Variants in SPAG16 observed in about 807,000 individuals in gnomAD.
SPAG16 encodes sperm associated antigen 16.
Under a neutral mutation model 80.4 loss-of-function variants are expected in SPAG16, and 86 were observed. The observed-to-expected ratio is 1.07, with a 90% CI of 0.90 to 1.28. The LOEUF (loss-of-function observed/expected upper bound fraction) is 1.28. SPAG16 is among the 50% of genes most tolerant of loss of function. The pLI is 0.00. For synonymous variants in SPAG16, 294 were observed against 265.9 expected, an observed-to-expected ratio of 1.11 and a Z score of -1.03; for missense variants, 870 against 765.3, an observed-to-expected ratio of 1.14 and a Z score of -1.61.
intron 10 of SPAG16, among the ~76,000 whole-genome samples, chr2:213,515,255 C>A (rs2075378218): frequency 6.6e-6 from 1 of 152,118 alleles, no homozygotes; most frequent in Non-Finnish European, 1.5e-5. Context: ...CTACTGATAT[C>A]TTCAAACTGC....
intron 12 of SPAG16, among the ~76,000 whole-genome samples, chr2:213,981,227 A>C (rs577032535): frequency 6.6e-6 from 1 of 152,258 alleles, no homozygotes; most frequent in African/African-American, 2.4e-5. Flanking sequence ...CTTCACCCTT[A>C]AGAACTCATT....
At chr2:214,143,049 C>T (rs921041020) in intron 14 of SPAG16, among the ~76,000 whole-genome samples, 3 of 152,204 alleles carry the variant, frequency 2.0e-5, no homozygotes, top group Non-Finnish European at 2.9e-5. Flanking sequence ...TTTTAAAAAT[C>T]GTTTTTTAGC....
chr2:213,709,316 TATA>T (rs2125353866), intron 10 of SPAG16, among the ~76,000 whole-genome samples: 1 of 152,298 alleles, frequency 6.6e-6, no homozygotes, highest in South Asian at 2.1e-4. Context: ...GAGTCCTTTC[TATA>T]ATGTTTACAT....
At position 214,361,289 on chromosome 2, in the gene SPAG16, T is replaced by C. The variant is rs562719628; in HGVS notation, c.1721-48851T>C. Among the ~76,000 whole-genome samples the C allele has an allele frequency of 1.2e-4, 19 of 152,004 alleles. No homozygotes were observed. The East Asian group carries it at 2.5e-3, about 20-fold the overall frequency. On this transcript the variant is annotated intron_variant, in intron 15 of 15. Transcript: ENST00000331683. ...ATTGATCAGTAAAAGCACTGATGTG[T>C]GCTTTCTTGATTTGCTTCAATCTTC...
At chr2:214,281,676 A>G (rs1258711540) in intron 15 of SPAG16, among the ~76,000 whole-genome samples, 1 of 152,216 alleles carries the variant, frequency 6.6e-6, no homozygotes, top group South Asian at 2.1e-4. Flanking sequence ...TACCTATCAT[A>G]TGACTCAGCC....
At chr2:213,591,113 C>T (rs1424885755) in intron 10 of SPAG16, among the ~76,000 whole-genome samples, 1 of 152,132 alleles carries the variant, frequency 6.6e-6, no homozygotes, top group Non-Finnish European at 1.5e-5. Context: ...CATAATTGTA[C>T]ATTTTTGTAC....
At chr2:213,737,171 T>A (rs532795800) in intron 10 of SPAG16, among the ~76,000 whole-genome samples, 1 of 152,328 alleles carries the variant, frequency 6.6e-6, no homozygotes, top group African/African-American at 2.4e-5. Flanking sequence ...ATTGCAGTTT[T>A]ATGGCTGATA....
chr2:213,668,624 T>TTTTTG lies in SPAG16; in HGVS notation c.1070+178558_1070+178562dup, dbSNP rs139486780. 3.3e-3 allele frequency among the ~76,000 whole-genome samples: 505 copies of TTTTTG among 152,006 alleles called. 1 individual carries two copies. Among genetic ancestry groups the TTTTTG allele is most frequent in the Non-Finnish European group, 5.8e-3 (392 of 67,976 alleles). On this transcript the variant is annotated intron_variant, in intron 10 of 15. Transcript: ENST00000331683. ...ATTTTTTGAGAAATATAATAGTGTTTTTTTGTTTTGTTTTGTTTTGTTTTG... is the reference window on the plus strand; with the variant it reads ...ATTTTTTGAGAAATATAATAGTGTTTTTTTGTTTTGTTTTGTTTTGTTTTGTTTTG...
At chr2:213,286,628 G>C (rs2062065461) in intron 1 of SPAG16, among the ~76,000 whole-genome samples, 1 of 152,182 alleles carries the variant, frequency 6.6e-6, no homozygotes, top group Non-Finnish European at 1.5e-5. Context: ...ATGCACAGAT[G>C]AATCAGAAAT....
intron 13 of SPAG16, among the ~76,000 whole-genome samples, chr2:214,101,451 G>A (rs972804806): frequency 6.6e-6 from 1 of 151,916 alleles, no homozygotes; most frequent in African/African-American, 2.4e-5. Context: ...ACTCCTGGAG[G>A]GCATTTGCAC....
At chr2:214,032,951 G>A (rs904872834) in intron 13 of SPAG16, among the ~76,000 whole-genome samples, 1 of 152,036 alleles carries the variant, frequency 6.6e-6, no homozygotes, top group African/African-American at 2.4e-5. Context: ...AGAAAGACAC[G>A]ACTTGTTTAG....
intron 12 of SPAG16, among the ~76,000 whole-genome samples, chr2:213,993,807 G>A (rs1360707674): frequency 1.3e-5 from 2 of 152,156 alleles, no homozygotes; most frequent in Non-Finnish European, 2.9e-5. Flanking sequence ...AATCTACCAA[G>A]AAATAAAACA....
At chr2:213,736,210 AT>A (rs1202945274) in intron 10 of SPAG16, among the ~76,000 whole-genome samples, 2 of 152,198 alleles carry the variant, frequency 1.3e-5, no homozygotes, top group African/African-American at 4.8e-5. Flanking sequence ...TAATTATATC[AT>A]TTTATAAAAT....
chr2:213,720,401 G>A (rs1559408094), intron 10 of SPAG16, among the ~76,000 whole-genome samples: 2 of 151,800 alleles, frequency 1.3e-5, no homozygotes, highest in South Asian at 2.1e-4. Flanking sequence ...GCCGAGGTGG[G>A]CAGATCATGA....
intron 9 of SPAG16, among the ~76,000 whole-genome samples, chr2:213,439,463 A>AT (rs1262540776): frequency 6.6e-6 from 1 of 152,208 alleles, no homozygotes; most frequent in Non-Finnish European, 1.5e-5. Flanking sequence ...AAGGGGAACT[A>AT]TCATTATGTT....
chr2:213,325,328 C>T (rs1369008534), intron 5 of SPAG16, among the ~76,000 whole-genome samples: 1 of 151,900 alleles, frequency 6.6e-6, no homozygotes, highest in African/African-American at 2.4e-5. Flanking sequence ...GTGTTTTCTT[C>T]TAAAACGCTT....
At chr2:213,352,477 T>G (rs1443887719) in intron 7 of SPAG16, among the ~76,000 whole-genome samples, 1 of 152,134 alleles carries the variant, frequency 6.6e-6, no homozygotes, top group Non-Finnish European at 1.5e-5. Context: ...CTTACTCTCT[T>G]TAGTCCTCCT....
chr2:214,201,217 G>A (rs2058000189), intron 15 of SPAG16, among the ~76,000 whole-genome samples: 1 of 152,088 alleles, frequency 6.6e-6, no homozygotes, highest in South Asian at 2.1e-4. Flanking sequence ...TCACCATCAA[G>A]GTATCAATAA....
intron 15 of SPAG16, among the ~76,000 whole-genome samples, chr2:214,391,182 T>C (rs1325293634): frequency 2.0e-5 from 3 of 152,176 alleles, no homozygotes; most frequent in African/African-American, 7.2e-5. Flanking sequence ...TTTTATATGA[T>C]ACAAGGCAAC....
Sources: allele counts gnomAD v4.1 joint callset (sites outside exome capture counted in the v4.1 genomes callset), GRCh38; gene constraint gnomAD v4.1.1; transcripts MANE v1.5; gene names NCBI Gene and HGNC (gene_info 2026-07-23, HGNC 2026-07-21).